The following TATDN1 variants were observed in gnomAD, a reference collection of about 807,000 sequenced individuals.
TATDN1 encodes the protein TatD DNase domain containing 1.
A neutral mutation model predicts 46.4 loss-of-function variants in TATDN1; 40 were observed. The observed-to-expected ratio is 0.86, with a 90% confidence interval of 0.67 to 1.12. The LOEUF (loss-of-function observed/expected upper bound fraction) is 1.12. Ranked by LOEUF, TATDN1 falls within the 50% of genes most tolerant of loss-of-function variation. The probability of loss-of-function intolerance (pLI) is 0.00; values close to 1 mark genes in which losing one functional copy is unlikely to be tolerated. For synonymous variants in TATDN1, 95 were observed against 105.6 expected (o/e 0.90, Z 0.62); for missense variants, 326 against 348.4 (o/e 0.94, Z 0.51).
At chr8:124,526,731 G>A (rs1820532932) in intron 1 of TATDN1, 1 of 152,180 alleles carries the variant, frequency 6.6e-6, no homozygotes, top group South Asian at 2.1e-4. Context: ...GTAGAAAACG[G>A]CACTGTTTGT....
At chr8:124,509,700 A>C (rs1391262988) in intron 6 of TATDN1, among the ~76,000 whole-genome samples, 1 of 152,170 alleles carries the variant, frequency 6.6e-6, no homozygotes, top group African/African-American at 2.4e-5. Context: ...TGCTCTCTTG[A>C]AAATGCTAAA....
intron 8 of TATDN1, among the ~76,000 whole-genome samples, chr8:124,507,234 A>G (rs550063019): frequency 2.1e-3 from 315 of 152,308 alleles, no homozygotes; most frequent in African/African-American, 7.4e-3. Flanking sequence ...AAATGTCTCC[A>G]GAATAATGAC....
intron 6 of TATDN1, among the ~76,000 whole-genome samples, chr8:124,509,988 A>T (rs1818863009): frequency 6.6e-6 from 1 of 151,050 alleles, no homozygotes; most frequent in Non-Finnish European, 1.5e-5. Flanking sequence ...CTGAGATTGT[A>T]CCACTGCACT....
intron 9 of TATDN1, chr8:124,503,711 C>T: frequency 6.7e-6 from 2 of 300,104 alleles, no homozygotes; most frequent in South Asian, 6.3e-5. Flanking sequence ...GTGACAAAAC[C>T]AACCCAGAGA....
At chr8:124,529,886 G>A (rs2131555948) in intron 1 of TATDN1, among the ~76,000 whole-genome samples, 1 of 152,284 alleles carries the variant, frequency 6.6e-6, no homozygotes, top group East Asian at 1.9e-4. Flanking sequence ...GAGGTCAGGA[G>A]TTTAAGACCA....
At chr8:124,503,984 C>T in intron 9 of TATDN1, 3 of 1,289,372 alleles carry the variant, frequency 2.3e-6, no homozygotes, top group Non-Finnish European at 3.1e-6. Flanking sequence ...GATCAAATGA[C>T]CTGAGAATAA....
intron 1 of TATDN1, among the ~76,000 whole-genome samples, chr8:124,527,661 C>T (rs1032605697): frequency 2.6e-5 from 4 of 151,864 alleles, no homozygotes; most frequent in Admixed American, 6.6e-5. Flanking sequence ...TTCAGTCAGT[C>T]GGGTGGGGCA....
At chr8:124,524,016 G>A (rs1366943956) in intron 1 of TATDN1, among the ~76,000 whole-genome samples, 2 of 152,166 alleles carry the variant, frequency 1.3e-5, no homozygotes, top group African/African-American at 4.8e-5. Flanking sequence ...TTAGCTTTTA[G>A]CAGGAGGAGA....
chr8:124,531,240 T>C (rs1820925429), intron 1 of TATDN1, among the ~76,000 whole-genome samples: 1 of 152,130 alleles, frequency 6.6e-6, no homozygotes, highest in African/African-American at 2.4e-5. Flanking sequence ...CTGGTCTAAG[T>C]GCACAGACCA....
chr8:124,494,275 TCA>T (rs942937361), intron 10 of TATDN1: 7 of 172,804 alleles, frequency 4.1e-5, no homozygotes, highest in Middle Eastern at 2.3e-3. Flanking sequence ...AGTTTTTTTT[TCA>T]GTTTTCAAAA....
intron 6 of TATDN1, among the ~76,000 whole-genome samples, chr8:124,510,882 A>G (rs1818947921): frequency 6.6e-6 from 1 of 152,186 alleles, no homozygotes; most frequent in African/African-American, 2.4e-5. Context: ...AGAATTTTAC[A>G]TAATTCAAGA....
At chr8:124,494,138 A>G (rs1314584242) in intron 10 of TATDN1, 179 bp from the exon 11 acceptor site, 2 of 524,076 alleles carry the variant, frequency 3.8e-6, no homozygotes, top group East Asian at 6.8e-5. Flanking sequence ...ATTGCATCTT[A>G]AATACCTTCT....
At chr8:124,505,111 G>A (rs948066755) in intron 8 of TATDN1, among the ~76,000 whole-genome samples, 32 of 150,994 alleles carry the variant, frequency 2.1e-4, no homozygotes, top group Non-Finnish European at 1.6e-4. Context: ...TGGGCCAGGC[G>A]CAATGGCTCA....
intron 9 of TATDN1, 72 bp from the exon 10 acceptor site, chr8:124,495,614 C>T: frequency 1.6e-6 from 2 of 1,260,004 alleles, no homozygotes; most frequent in Non-Finnish European, 2.2e-6. Context: ...CACAACTTGT[C>T]TAAAATGCTA....
chr8:124,500,406 T>C (rs1817852734), intron 9 of TATDN1, among the ~76,000 whole-genome samples: 1 of 152,170 alleles, frequency 6.6e-6, no homozygotes, highest in African/African-American at 2.4e-5. Flanking sequence ...CAAGATCATT[T>C]AGAAATATCT....
intron 9 of TATDN1, chr8:124,503,895 T>C: frequency 7.7e-7 from 1 of 1,290,664 alleles, no homozygotes; most frequent in Non-Finnish European, 1.0e-6. Flanking sequence ...TGTATGACTG[T>C]CACAGAATAA....
At chr8:124,537,585 G>T (rs896362805) in intron 1 of TATDN1, among the ~76,000 whole-genome samples, 1 of 152,170 alleles carries the variant, frequency 6.6e-6, no homozygotes, top group African/African-American at 2.4e-5. Flanking sequence ...GAGTCTACAT[G>T]GAGGATGGAT....
chr8:124,521,893 T>G (rs1449178575), intron 3 of TATDN1: 4 of 315,824 alleles, frequency 1.3e-5, no homozygotes, highest in Non-Finnish European at 2.3e-5. Context: ...GTAATTCACA[T>G]AGGTTTAAAA....
intron 8 of TATDN1, chr8:124,504,594 T>C: frequency 3.3e-6 from 1 of 300,394 alleles, no homozygotes; most frequent in African/African-American, 2.2e-5. Context: ...AGTGGCAGTG[T>C]TGCTGTCTCT....
Sources: gnomAD v4.1 joint callset for allele counts (sites outside exome capture counted in the v4.1 genomes callset) on GRCh38, gnomAD v4.1.1 for gene constraint, MANE v1.5 for transcripts, NCBI Gene and HGNC (gene_info 2026-07-23, HGNC 2026-07-21) for gene names.